The following NPAS4 variants were observed in gnomAD, a reference collection of about 807,000 sequenced individuals.
NPAS4 encodes the protein neuronal PAS domain protein 4, also known as neuronal PAS domain-containing protein 4.
In NPAS4, 10 loss-of-function variants were observed where a neutral mutation model predicts 64.0. That is an observed-to-expected ratio of 0.16 (90% CI 0.10 to 0.26). The LOEUF is 0.26. NPAS4 is among the 10% of genes least tolerant of loss of function. The probability of loss-of-function intolerance (pLI) is 1.00; values close to 1 mark genes in which losing one functional copy is unlikely to be tolerated. For synonymous variants in NPAS4, 441 were observed against 411.7 expected (o/e 1.07, Z -0.86); for missense variants, 886 against 992.6 (o/e 0.89, Z 1.44).
upstream of NPAS4, among the ~76,000 whole-genome samples, chr11:66,420,023 C>T (rs1312361261): frequency 1.3e-5 from 2 of 152,168 alleles, no homozygotes; most frequent in Non-Finnish European, 2.9e-5. Context: ...GCGGCAGCCG[C>T]CGGAGGATTC....
At chr11:66,417,876 C>T (rs1856688508), upstream of NPAS4, among the ~76,000 whole-genome samples, 2 of 152,052 alleles carry the variant, frequency 1.3e-5, no homozygotes, top group Non-Finnish European at 2.9e-5. Flanking sequence ...GGTACAGACT[C>T]GCAGCTACAA....
the NPAS4 span, among the ~76,000 whole-genome samples, chr11:66,412,443 G>C: frequency 1.5e-4 from 23 of 152,234 alleles, no homozygotes; most frequent in African/African-American, 5.3e-4. Context: ...CTGGATCAAA[G>C]CTGCCGGTGG....
the NPAS4 span, among the ~76,000 whole-genome samples, chr11:66,409,678 G>A: frequency 6.6e-6 from 1 of 152,180 alleles, no homozygotes; most frequent in Non-Finnish European, 1.5e-5. Flanking sequence ...GGGCCACATG[G>A]CACGTTCCTA....
intron 1 of NPAS4, 85 bp downstream of exon 1, chr11:66,421,439 G>C: frequency 8.0e-7 from 1 of 1,244,162 alleles, no homozygotes; most frequent in Non-Finnish European, 1.2e-6. Context: ...GCTGTCGCAT[G>C]TCTAGGGCAG....
Position 66,426,232 on chromosome 11 carries a change from A to T in NPAS4, c.*243A>T, listed in dbSNP as rs1369150576. The T allele has an allele frequency of 2.2e-6, 1 of 457,618 alleles. No individual in the cohort carries two copies. Among genetic ancestry groups the T allele is most frequent in the Non-Finnish European group, 4.0e-6 (1 of 252,024 alleles). 28.3% of individuals were successfully genotyped at this position (457,618 alleles called of 1,614,324 possible). The stretch of plus-strand genomic sequence containing the variant: ...TTTCAATCTGTATTCACTCGTAGTG[A>T]GTTTCCTTGAATGGGATTTCAAGCG... On this transcript the variant is annotated 3_prime_UTR_variant, in exon 8 of 8. Coordinates refer to ENST00000311034, the MANE Select transcript of NPAS4 (RefSeq NM_178864.4).
rs200881816 is a variant in NPAS4, at chr11:66,424,042, C to T, written c.1152C>T (p.Val384=). The change falls in exon 7 of 8, where the codon GTC becomes GTT. Residue 384 remains valine (V), a synonymous_variant. Coordinates refer to ENST00000311034, the MANE Select transcript of NPAS4 (RefSeq NM_178864.4). The part of the protein sequence containing the change: ...SFPSAPELSV[V]SASEELPRPS... Reference sequence around the variant, plus strand: ...CCAGTGCTCCTGAACTGAGTGTTGTCTCTGCATCAGAAGAGCTTCCCCGAC... The same window carrying T: ...CCAGTGCTCCTGAACTGAGTGTTGTTTCTGCATCAGAAGAGCTTCCCCGAC... 6.2e-7 allele frequency: 1 copy of T among 1,614,158 alleles called. No homozygotes were observed. Among genetic ancestry groups the T allele is most frequent in the African/African-American group, 1.3e-5 (1 of 75,040 alleles).
At position 66,423,585 on chromosome 11, in the gene NPAS4, G is replaced by A. The variant is rs149039878; in HGVS notation, c.816G>A (p.Glu272=). ...CATCTTCTTTCTCCCCAGTGGCTGA[G>A]AGTGGAGATATTCAGGCAGAGATGG... is the stretch of plus-strand genomic sequence containing the variant. The part of the protein sequence containing the change: ...ASAQHYRLLA[E]SGDIQAEMVV... The change falls in exon 6 of 8, where the codon GAG becomes GAA. Residue 272 remains glutamate, a synonymous_variant. Coordinates refer to ENST00000311034, the MANE Select transcript of NPAS4 (RefSeq NM_178864.4). The A allele has an allele frequency of 7.4e-6, 12 of 1,614,130 alleles. No homozygotes were observed. The African/African-American group carries it at 1.3e-4, about 18-fold the overall frequency.
chr11:66,422,587 T>C, intron 3 of NPAS4, 34 bp downstream of exon 3: 1 of 1,602,244 alleles, frequency 6.2e-7, no homozygotes, highest in Non-Finnish European at 8.6e-7. Context: ...TCGGTCCAAT[T>C]TCCCACCTGC....
upstream of NPAS4, among the ~76,000 whole-genome samples, chr11:66,420,240 G>A (rs1337649552): frequency 6.6e-6 from 1 of 152,232 alleles, no homozygotes; most frequent in Non-Finnish European, 1.5e-5. Flanking sequence ...TAGCTGAGAG[G>A]GAAACCACGA....
Position 66,421,245 on chromosome 11 carries a change from C to A in NPAS4, c.66C>A (p.Asn22Lys). ...ACCAGATCAACGCCGAGATCCGGAA[C>A]CTCAAGGAGCTGCTGCCGCTGGCCG... ...RRDQINAEIR[N>K]LKELLPLAEA... The change falls in exon 1 of 8, where the codon AAC becomes AAA. Residue 22 changes from asparagine to lysine, a missense_variant. Transcript: ENST00000311034. 7 of 1,613,966 alleles carry A rather than the reference C, an allele frequency of 4.3e-6. No individual in the cohort carries two copies. The highest frequency in any genetic ancestry group is 5.1e-6 in the Non-Finnish European group (6 of 1,179,958).
Position 66,424,509 on chromosome 11 carries a change from C to A in NPAS4, c.1619C>A (p.Ala540Glu), listed in dbSNP as rs761770844. 13 of 1,614,032 alleles carry A rather than the reference C, an allele frequency of 8.1e-6. No individual in the cohort carries two copies. The highest frequency in any genetic ancestry group is 1.1e-5 in the Non-Finnish European group (13 of 1,180,034). Reference sequence around the variant, plus strand: ...ACTCCTCCCAGCACAGCATTCCAAGCACACCTGGACAGCCCCAGCCAAACC... The same window carrying A: ...ACTCCTCCCAGCACAGCATTCCAAGAACACCTGGACAGCCCCAGCCAAACC... ...QLTPPSTAFQ[A>E]HLDSPSQTFP... is the part of the protein sequence containing the mutation. The change falls in exon 7 of 8, where the codon GCA becomes GAA. Residue 540 changes from alanine to glutamate, a missense_variant. Transcript: ENST00000311034.
In NPAS4 at chr11:66,426,070, TG is replaced by T. The variant is rs1379704638; in HGVS notation, c.*87del. 5 of 922,204 alleles carry T rather than the reference TG, an allele frequency of 5.4e-6. No individual in the cohort carries two copies. Among genetic ancestry groups the T allele is most frequent in the Non-Finnish European group, 8.4e-6 (5 of 596,826 alleles). The allele number at this position is 922,204 out of a possible 1,614,324, so 57.1% of individuals were successfully genotyped here. A position where few individuals can be genotyped will look rare whatever the true frequency, so the allele number is the denominator to read the frequency against. Reference sequence around the variant, plus strand: ...CCGCTCTCCACCCCCCCGGGACTGTTGGGGGGATTCTGAGGGCCAGAGGGGG... The same window carrying T: ...CCGCTCTCCACCCCCCCGGGACTGTTGGGGGATTCTGAGGGCCAGAGGGGG... On this transcript the variant is annotated 3_prime_UTR_variant, in exon 8 of 8. Coordinates refer to ENST00000311034, the MANE Select transcript of NPAS4 (RefSeq NM_178864.4).
rs1383838243 is a variant in NPAS4, at chr11:66,426,698, C to G, written c.*709C>G. 6.5e-6 allele frequency: 1 copy of G among 152,692 alleles called. No homozygotes were observed. Among genetic ancestry groups the G allele is most frequent in the Non-Finnish European group, 1.5e-5 (1 of 68,084 alleles). 9.5% of individuals were successfully genotyped at this position (152,692 alleles called of 1,614,324 possible). On this transcript the variant is annotated 3_prime_UTR_variant, in exon 8 of 8. Coordinates refer to ENST00000311034, the MANE Select transcript of NPAS4 (RefSeq NM_178864.4). The stretch of plus-strand genomic sequence containing the variant: ...AACTTTATAATAAAGTCCAGTTTGC[C>G]TTTTTGGTACCTCTGGTGTCATGCG...
In NPAS4 at chr11:66,426,502, G is replaced by C. The variant is rs1565242959; in HGVS notation, c.*513G>C. ...CTGTGACTTTTGCGCCCCGCGCCTG[G>C]GGTGGGGGGTGCGAAGAGACGCTAC... On this transcript the variant is annotated 3_prime_UTR_variant, in exon 8 of 8. Transcript: ENST00000311034. 1 of 155,964 alleles carries C rather than the reference G, an allele frequency of 6.4e-6. No homozygotes were observed. The highest frequency in any genetic ancestry group is 6.3e-5 in the Admixed American group (1 of 15,902). 9.7% of individuals were successfully genotyped at this position (155,964 alleles called of 1,614,324 possible). A position where few individuals can be genotyped will look rare whatever the true frequency, so the allele number is the denominator to read the frequency against.
chr11:66,419,996 C>T (rs1209792690), upstream of NPAS4, among the ~76,000 whole-genome samples: 1 of 152,180 alleles, frequency 6.6e-6, no homozygotes, highest in Non-Finnish European at 1.5e-5. Context: ...GGCAGCCAGG[C>T]CCCGCCCGCC....
In NPAS4 at chr11:66,426,112, C is replaced by A; in HGVS notation, c.*123C>A. 1 of 608,208 alleles carries A rather than the reference C, an allele frequency of 1.6e-6. No homozygotes were observed. The highest frequency in any genetic ancestry group is 3.0e-6 in the Non-Finnish European group (1 of 333,830). The allele number at this position is 608,208 out of a possible 1,614,324, so 37.7% of individuals were successfully genotyped here. Reference sequence around the variant, plus strand: ...CCAGAGGGGGATATATATGATTCCCCAGGCCCTGCAGGATTTTGGGGGGGG... The same window carrying A: ...CCAGAGGGGGATATATATGATTCCCAAGGCCCTGCAGGATTTTGGGGGGGG... On this transcript the variant is annotated 3_prime_UTR_variant, in exon 8 of 8. Transcript: ENST00000311034.
At chr11:66,412,025 C>T in the NPAS4 span, among the ~76,000 whole-genome samples, 2 of 152,162 alleles carry the variant, frequency 1.3e-5, no homozygotes, top group African/African-American at 2.4e-5. Flanking sequence ...TCCTATGTTA[C>T]GAGCTGTGCC....
At position 66,426,108 on chromosome 11, in the gene NPAS4, T is replaced by C; in HGVS notation, c.*119T>C. ...AGGGCCAGAGGGGGATATATATGAT[T>C]CCCCAGGCCCTGCAGGATTTTGGGG... is the stretch of plus-strand genomic sequence containing the variant. On this transcript the variant is annotated 3_prime_UTR_variant, in exon 8 of 8. Transcript: ENST00000311034. 2 of 455,858 alleles carry C rather than the reference T, an allele frequency of 4.4e-6. No homozygotes were observed. The highest frequency in any genetic ancestry group is 4.4e-6 in the Non-Finnish European group (1 of 225,326). The allele number at this position is 455,858 out of a possible 1,614,324, so 28.2% of individuals were successfully genotyped here.
upstream of NPAS4, among the ~76,000 whole-genome samples, chr11:66,418,486 G>T (rs1192023694): frequency 6.6e-6 from 1 of 152,140 alleles, no homozygotes; most frequent in Admixed American, 6.5e-5. Context: ...GAGGTGGGAG[G>T]CAAGGGGAGT....
Sources: allele counts gnomAD v4.1 joint callset (sites outside exome capture counted in the v4.1 genomes callset), GRCh38; gene constraint gnomAD v4.1.1; transcripts MANE v1.5; gene names NCBI Gene and HGNC (gene_info 2026-07-23, HGNC 2026-07-21).